MYH13: variants seen among roughly 807,000 people sequenced by gnomAD.
MYH13 encodes the protein myosin-13.
A neutral mutation model predicts 232.1 loss-of-function variants in MYH13; 177 were observed. That is an observed-to-expected ratio of 0.76 (90% CI 0.67 to 0.86). The LOEUF (loss-of-function observed/expected upper bound fraction) is 0.86, where lower values mean the gene tolerates loss of function less well. Among genes scored for constraint, MYH13 ranks in the 40% least tolerant of loss-of-function variants. The pLI is 0.00. For synonymous variants in MYH13, 884 were observed against 923.5 expected (o/e 0.96, Z 0.78); for missense variants, 2,246 against 2,405.9 (o/e 0.93, Z 1.39).
chr17:10,309,774 C>T lies in MYH13; in HGVS notation c.4713G>A (p.Gln1571=). The T allele has an allele frequency of 6.2e-7, 1 of 1,600,108 alleles. No homozygotes were observed. Among genetic ancestry groups the T allele is most frequent in the Non-Finnish European group, 8.5e-7 (1 of 1,173,152 alleles). Reference sequence around the variant, plus strand: ...CCTTGCGGTCTAGCTCGGATTTCACCTGGCTCAGCTCTAGCTGCACGCGCA... The same window carrying T: ...CCTTGCGGTCTAGCTCGGATTTCACTTGGCTCAGCTCTAGCTGCACGCGCA... ...KILRVQLELS[Q]VKSELDRKVI... Residue 1571 remains glutamine (Q), a synonymous_variant, in exon 34 of 41, where the codon CAG becomes CAA. Coordinates refer to ENST00000252172, the MANE Select transcript of MYH13 (RefSeq NM_003802.3).
chr17:10,369,145 T>C (rs2071860240), intron 2 of MYH13, among the ~76,000 whole-genome samples: 1 of 149,858 alleles, frequency 6.7e-6, no homozygotes. Context: ...TTGCCATCAA[T>C]TATAACTTCC....
Position 10,324,124 on chromosome 17 carries a change from C to T in MYH13, c.2832G>A (p.Lys944=), listed in dbSNP as rs749321533. The change falls in exon 23 of 41, where the codon AAG becomes AAA. Residue 944 remains lysine, a synonymous_variant. Coordinates refer to ENST00000252172, the MANE Select transcript of MYH13 (RefSeq NM_003802.3). ...AGGAGCATTTATCTTCCAGATTCCT[C>T]TTCTTGGCAACCAATTCAGAATTCA... The part of the protein sequence containing the change: ...EEMNSELVAK[K]RNLEDKCSSL... 10 of 1,613,842 alleles carry T rather than the reference C, an allele frequency of 6.2e-6. No homozygotes were observed. The highest frequency in any genetic ancestry group is 2.2e-5 in the South Asian group (2 of 91,074).
chr17:10,353,851 C>T (rs964887484), intron 11 of MYH13, among the ~76,000 whole-genome samples: 4 of 148,782 alleles, frequency 2.7e-5, no homozygotes, highest in Admixed American at 1.4e-4. Context: ...CCAGCCTGGG[C>T]GACAGAGCGA....
chr17:10,356,846 G>A (rs2142270113), intron 8 of MYH13, among the ~76,000 whole-genome samples: 1 of 152,270 alleles, frequency 6.6e-6, no homozygotes. Context: ...ATAGAGGGCT[G>A]GATGTGTGTT....
At position 10,345,516 on chromosome 17, in the gene MYH13, C is replaced by T; in HGVS notation, c.1364G>A (p.Arg455Lys). ...INQQLDTKQPRQYFIGVLDIA... is the reference protein window; with the variant it reads ...INQQLDTKQPKQYFIGVLDIA... Reference sequence around the variant, plus strand: ...GTCCAAGACCCCGATGAAGTACTGCCTGGGCTGCTTGGTGTCCAGCTGCTG... The same window carrying T: ...GTCCAAGACCCCGATGAAGTACTGCTTGGGCTGCTTGGTGTCCAGCTGCTG... Residue 455 changes from arginine to lysine, a missense_variant, in exon 14 of 41, where the codon AGG becomes AAG. Transcript: ENST00000252172. 1.2e-6 allele frequency: 2 copies of T among 1,614,172 alleles called. No individual in the cohort carries two copies. Among genetic ancestry groups the T allele is most frequent in the Non-Finnish European group, 1.7e-6 (2 of 1,180,030 alleles).
rs1906285460 is a variant in MYH13 at position 10,306,367 on chromosome 17, T to C, written c.5466+92A>G. 6.4e-7 allele frequency: 1 copy of C among 1,551,238 alleles called. No homozygotes were observed. The highest frequency in any genetic ancestry group is 8.8e-7 in the Non-Finnish European group (1 of 1,139,756). Reference sequence around the variant, plus strand: ...TGAAACTGAATTTGCAATCTATTCATTCAGTGGCCTTTTCCCACCATCTCA... The same window carrying C: ...TGAAACTGAATTTGCAATCTATTCACTCAGTGGCCTTTTCCCACCATCTCA... On this transcript the variant is annotated intron_variant, in intron 37 of 40. Transcript: ENST00000252172. This position sits in a 1 kb window ranked among gnomAD's most constrained non-coding sequence, Gnocchi z 4.3.
Position 10,359,938 on chromosome 17 carries a change from G to A in MYH13, c.645+22C>T, listed in dbSNP as rs72479738. 2.5e-3 allele frequency: 3,973 copies of A among 1,581,578 alleles called. 124 individuals are homozygous for A. The East Asian group carries it at 0.068, about 27-fold the overall frequency. On this transcript the variant is annotated intron_variant, in intron 7 of 40. Transcript: ENST00000252172. ...AGTATACTTATTCCAGTAAGCCTCC[G>A]GATGCAGGTGGGGCTGCTCACCTGC... is the stretch of plus-strand genomic sequence containing the variant.
chr17:10,359,947 TG>T lies in MYH13; in HGVS notation c.645+12del. ...ATTCCAGTAAGCCTCCGGATGCAGGTGGGGCTGCTCACCTGCATTTTGCCTG... is the reference window on the plus strand; with the variant it reads ...ATTCCAGTAAGCCTCCGGATGCAGGTGGGCTGCTCACCTGCATTTTGCCTG... On this transcript the variant is annotated intron_variant, in intron 7 of 40. Coordinates refer to ENST00000252172, the MANE Select transcript of MYH13 (RefSeq NM_003802.3). 1 of 1,602,240 alleles carries T rather than the reference TG, an allele frequency of 6.2e-7. No homozygotes were observed. The highest frequency in any genetic ancestry group is 2.2e-5 in the East Asian group (1 of 44,834).
chr17:10,365,019 C>T (rs1473259803), intron 2 of MYH13, among the ~76,000 whole-genome samples: 1 of 152,032 alleles, frequency 6.6e-6, no homozygotes, highest in African/African-American at 2.4e-5. Context: ...ATCACAGGTG[C>T]CCACCACCAC....
intron 20 of MYH13, among the ~76,000 whole-genome samples, chr17:10,331,844 A>G (rs1018883049): frequency 2.6e-5 from 4 of 152,084 alleles, no homozygotes; most frequent in African/African-American, 7.2e-5. Context: ...CCTCTGGGAC[A>G]CTAGAGTTCC....
rs774620213 is a variant in MYH13 at position 10,313,301 on chromosome 17, C to T, written c.4038G>A (p.Leu1346=). 1.9e-6 allele frequency: 3 copies of T among 1,614,274 alleles called. No homozygotes were observed. The highest frequency in any genetic ancestry group is 2.5e-6 in the Non-Finnish European group (3 of 1,180,042). ...ALQSSRHDCD[L]LREQYEEEQE... ...GCTCCTCCTCATACTGTTCCCGCAG[C>T]AGGTCACAGTCGTGGCGGGAGGACT... Residue 1346 remains leucine, a synonymous_variant, in exon 30 of 41, where the codon CTG becomes CTA. Transcript: ENST00000252172.
intron 26 of MYH13, among the ~76,000 whole-genome samples, chr17:10,319,863 A>C (rs1906868622): frequency 6.6e-6 from 1 of 152,258 alleles, no homozygotes; most frequent in African/African-American, 2.4e-5. Flanking sequence ...ATTGGCAATT[A>C]ATTCTCAGAA....
intron 18 of MYH13, among the ~76,000 whole-genome samples, chr17:10,333,462 TG>T (rs1251375886): frequency 4.6e-5 from 7 of 152,228 alleles, no homozygotes. Flanking sequence ...TCCTCAGCCC[TG>T]ACTCTGCAGC....
At position 10,321,512 on chromosome 17, in the gene MYH13, TA is replaced by T; in HGVS notation, c.3111+19del. The T allele has an allele frequency of 6.2e-7, 1 of 1,605,472 alleles. No homozygotes were observed. Among genetic ancestry groups the T allele is most frequent in the Non-Finnish European group, 8.5e-7 (1 of 1,174,888 alleles). On this transcript the variant is annotated intron_variant, in intron 24 of 40. Coordinates refer to ENST00000252172, the MANE Select transcript of MYH13 (RefSeq NM_003802.3). Reference sequence around the variant, plus strand: ...TCCACAAGTGATAAATGCTAAAGCATAGTAGTAAAATATCCTCACATCATCT... The same window carrying T: ...TCCACAAGTGATAAATGCTAAAGCATGTAGTAAAATATCCTCACATCATCT...
chr17:10,336,837 C>T (rs2071579213), intron 18 of MYH13, among the ~76,000 whole-genome samples: 1 of 152,090 alleles, frequency 6.6e-6, no homozygotes, highest in South Asian at 2.1e-4. Context: ...TGTGATTTCT[C>T]CTTACTCCCC....
At chr17:10,314,502 G>A (rs751155) in intron 29 of MYH13, among the ~76,000 whole-genome samples, 82,731 of 151,920 alleles carry the variant, frequency 0.54, 22,624 homozygotes, top group Non-Finnish European at 0.56. Flanking sequence ...AGGACAGCCC[G>A]CTCCTGCAGT....
At chr17:10,325,816 A>C (rs920524408) in intron 22 of MYH13, among the ~76,000 whole-genome samples, 49 of 152,156 alleles carry the variant, frequency 3.2e-4, no homozygotes, top group Non-Finnish European at 6.9e-4. Context: ...AGCTGGGACT[A>C]CAGGTGCCCA....
rs538310471 is a variant in MYH13 at position 10,356,836 on chromosome 17, A to G, written c.738+899T>C. ...TTGCTCCACTGGCCAGTGAAATGAA[A>G]TAGAGGGCTGGATGTGTGTTTATTT... On this transcript the variant is annotated intron_variant, in intron 8 of 40. Transcript: ENST00000252172. Among the ~76,000 whole-genome samples, 3 of 152,346 alleles carry G rather than the reference A, an allele frequency of 2.0e-5. No individual in the cohort carries two copies. In the South Asian group the frequency reaches 6.2e-4, roughly 32 times the overall value.
Position 10,318,853 on chromosome 17 carries a change from C to T in MYH13, c.3675G>A (p.Lys1225=), listed in dbSNP as rs371722783. Residue 1225 remains lysine, a synonymous_variant, in exon 27 of 41, where the codon AAG becomes AAA. Transcript: ENST00000252172. ...QRVKQKLEKE[K]SELKMEIDDM... ...CGTCAATCTCCATCTTCAGCTCGCT[C>T]TTCTCCTTCTCCAGCTTCTGCTTCA... 3 of 1,614,168 alleles carry T rather than the reference C, an allele frequency of 1.9e-6. No homozygotes were observed. Among genetic ancestry groups the T allele is most frequent in the Non-Finnish European group, 2.5e-6 (3 of 1,180,032 alleles).
Sources: gnomAD v4.1 joint callset for allele counts (sites outside exome capture counted in the v4.1 genomes callset) on GRCh38, gnomAD v4.1.1 for gene constraint, Gnocchi (gnomAD v3.1) non-coding constraint, MANE v1.5 for transcripts, NCBI Gene and HGNC (gene_info 2026-07-23, HGNC 2026-07-21) for gene names.